Variants in EDIL3 observed in about 807,000 individuals in gnomAD.
EDIL3 encodes the protein EGF-like repeat and discoidin I-like domain-containing protein 3.
A neutral mutation model predicts 67.4 loss-of-function variants in EDIL3; 37 were observed. That is an observed-to-expected ratio of 0.55 (90% CI 0.42 to 0.72). The LOEUF is 0.72. EDIL3 is among the 30% of genes least tolerant of loss of function. The pLI is 0.00. For synonymous variants in EDIL3, 195 were observed against 196.3 expected (o/e 0.99, Z 0.05); for missense variants, 527 against 586.3 (o/e 0.90, Z 1.04).
chr5:84,376,387 G>C (rs915974212), intron 1 of EDIL3, among the ~76,000 whole-genome samples: 4 of 152,072 alleles, frequency 2.6e-5, no homozygotes, highest in African/African-American at 9.7e-5. Context: ...CTGTTTCTAG[G>C]CCAAAATCAA....
At chr5:84,230,200 CTTAG>C (rs770403784) in intron 2 of EDIL3, among the ~76,000 whole-genome samples, 33 of 152,030 alleles carry the variant, frequency 2.2e-4, no homozygotes, top group Non-Finnish European at 4.3e-4. Context: ...TAAGATTAAC[CTTAG>C]TTAATTTGAG....
At chr5:84,012,057 T>C (rs1350527830) in intron 9 of EDIL3, among the ~76,000 whole-genome samples, 1 of 152,208 alleles carries the variant, frequency 6.6e-6, no homozygotes, top group African/African-American at 2.4e-5. Context: ...TCTTGTTACA[T>C]GGAATGTGCT....
chr5:84,084,632 T>G (rs1040146293), intron 6 of EDIL3, among the ~76,000 whole-genome samples: 2 of 152,182 alleles, frequency 1.3e-5, no homozygotes, highest in Admixed American at 6.5e-5. Context: ...CAACTAAAAG[T>G]ATTTAATTCA....
At chr5:84,342,629 G>A (rs771385244) in intron 1 of EDIL3, among the ~76,000 whole-genome samples, 4 of 151,818 alleles carry the variant, frequency 2.6e-5, no homozygotes, top group Non-Finnish European at 2.9e-5. Flanking sequence ...GTATTTAAAC[G>A]TAACAGCCTT....
At chr5:84,267,473 T>C (rs1169069567) in intron 1 of EDIL3, among the ~76,000 whole-genome samples, 1 of 152,210 alleles carries the variant, frequency 6.6e-6, no homozygotes, top group African/African-American at 2.4e-5. Context: ...GATACCAGAA[T>C]AGACCAGCTT....
At chr5:84,160,125 T>G (rs1160935701) in intron 4 of EDIL3, among the ~76,000 whole-genome samples, 1 of 152,142 alleles carries the variant, frequency 6.6e-6, no homozygotes, top group Non-Finnish European at 1.5e-5. Context: ...CTACTCCTTC[T>G]TCAGAACCTT....
chr5:84,369,934 G>A (rs1747810874), intron 1 of EDIL3, among the ~76,000 whole-genome samples: 1 of 152,018 alleles, frequency 6.6e-6, no homozygotes, highest in African/African-American at 2.4e-5. Flanking sequence ...ACTTGCTTAT[G>A]GGTTACAAAA....
intron 1 of EDIL3, among the ~76,000 whole-genome samples, chr5:84,296,506 T>C (rs1746053043): frequency 6.6e-6 from 1 of 152,128 alleles, no homozygotes; most frequent in Non-Finnish European, 1.5e-5. Flanking sequence ...TTATTACTCA[T>C]TTTGAGAAAA....
chr5:84,177,224 G>A (rs1748936232), intron 4 of EDIL3, among the ~76,000 whole-genome samples: 1 of 151,874 alleles, frequency 6.6e-6, no homozygotes, highest in South Asian at 2.1e-4. Flanking sequence ...AACAAACTAT[G>A]GTACATCCAT....
At chr5:84,215,220 G>T (rs1032267700) in intron 3 of EDIL3, among the ~76,000 whole-genome samples, 4 of 152,142 alleles carry the variant, frequency 2.6e-5, no homozygotes, top group African/African-American at 7.2e-5. Flanking sequence ...ATTTAGCCTG[G>T]ACAGAAATAA....
At chr5:84,378,739 T>C (rs1748018663) in intron 1 of EDIL3, among the ~76,000 whole-genome samples, 1 of 152,178 alleles carries the variant, frequency 6.6e-6, no homozygotes, top group Non-Finnish European at 1.5e-5. Flanking sequence ...TAAATTACTG[T>C]ATACTTGATA....
At chr5:84,033,128 G>A (rs1228029118) in intron 9 of EDIL3, among the ~76,000 whole-genome samples, 1 of 152,140 alleles carries the variant, frequency 6.6e-6, no homozygotes, top group Non-Finnish European at 1.5e-5. Flanking sequence ...TTGCTTCTCT[G>A]ATCCACTATT....
chr5:84,005,688 G>A (rs187719864), intron 9 of EDIL3, among the ~76,000 whole-genome samples: 14 of 151,982 alleles, frequency 9.2e-5, no homozygotes, highest in Admixed American at 7.2e-4. Flanking sequence ...TAATAAGAAC[G>A]ATAAATGACA....
chr5:84,198,271 G>T (rs1253709248), intron 3 of EDIL3, among the ~76,000 whole-genome samples: 1 of 151,808 alleles, frequency 6.6e-6, no homozygotes, highest in East Asian at 1.9e-4. Context: ...GCAAATGTGT[G>T]CAAGATAGTG....
intron 3 of EDIL3, among the ~76,000 whole-genome samples, chr5:84,200,110 G>C (rs1001543332): frequency 3.9e-5 from 6 of 151,968 alleles, no homozygotes; most frequent in African/African-American, 1.2e-4. Context: ...AATTTATTTA[G>C]GATATGAGTT....
At chr5:84,046,364 T>C (rs1420722238) in intron 9 of EDIL3, among the ~76,000 whole-genome samples, 1 of 152,128 alleles carries the variant, frequency 6.6e-6, no homozygotes, top group Admixed American at 6.6e-5. Flanking sequence ...GGCTTCCTAA[T>C]CCAACAGATA....
At chr5:84,151,058 G>T (rs1455491552) in intron 4 of EDIL3, among the ~76,000 whole-genome samples, 1 of 152,042 alleles carries the variant, frequency 6.6e-6, no homozygotes, top group Non-Finnish European at 1.5e-5. Flanking sequence ...ACTTCTGAGG[G>T]TGATGTGATG....
intron 1 of EDIL3, among the ~76,000 whole-genome samples, chr5:84,370,550 T>C (rs990581225): frequency 2.6e-5 from 4 of 152,214 alleles, no homozygotes; most frequent in African/African-American, 9.6e-5. Context: ...TTTGTTTTTG[T>C]TGCACATACT....
intron 9 of EDIL3, among the ~76,000 whole-genome samples, chr5:84,049,704 T>C (rs780332257): frequency 2.0e-5 from 3 of 152,228 alleles, no homozygotes; most frequent in South Asian, 4.1e-4. Context: ...AGATAACACA[T>C]TGGTAAGCTT....
Sources: gnomAD v4.1 joint callset for allele counts (sites outside exome capture counted in the v4.1 genomes callset) on GRCh38, gnomAD v4.1.1 for gene constraint, MANE v1.5 for transcripts, NCBI Gene and HGNC (gene_info 2026-07-23, HGNC 2026-07-21) for gene names.